Variants in PDE8B observed in about 807,000 individuals in gnomAD.
PDE8B encodes the protein phosphodiesterase 8B.
PDE8B carries 26 observed loss-of-function variants against 101.3 expected under a neutral mutation model. The ratio of observed to expected loss-of-function variants is 0.26; its 90% CI spans 0.19 to 0.36. PDE8B has a LOEUF of 0.36. Among genes scored for constraint, PDE8B ranks in the 10% least tolerant of loss-of-function variants. The pLI, the probability that PDE8B is intolerant of heterozygous loss-of-function variation, is 1.00. For missense variants in PDE8B, 810 were observed against 1,163.1 expected, an observed-to-expected ratio of 0.70 and a Z score of 4.42; for synonymous variants, 424 against 429.3, an observed-to-expected ratio of 0.99 and a Z score of 0.15.
At chr5:77,364,953 A>G (rs1035467227) in intron 10 of PDE8B, among the ~76,000 whole-genome samples, 3 of 152,206 alleles carry the variant, frequency 2.0e-5, no homozygotes, top group South Asian at 2.1e-4. Context: ...CTATTCGCAG[A>G]GCTTTGGCCC....
the PDE8B span, among the ~76,000 whole-genome samples, chr5:77,127,987 C>A: frequency 6.6e-6 from 1 of 152,150 alleles, no homozygotes; most frequent in Non-Finnish European, 1.5e-5. Context: ...TGCAGGAGAT[C>A]AAATTCTTTT....
Position 77,211,341 on chromosome 5 carries a change from G to A in PDE8B, c.339+77G>A. On this transcript the variant is annotated intron_variant, in intron 1 of 21. Coordinates refer to ENST00000264917, the MANE Select transcript of PDE8B (RefSeq NM_003719.5). The surrounding 1 kb of genome is among the most constrained non-coding windows in gnomAD (Gnocchi z 4.1). ...GGGCTCGCACGGGTAGGGGGCTCCG[G>A]CGGAGTTGGGTGACCGTGAGGCGGT... 1.5e-6 allele frequency: 2 copies of A among 1,372,672 alleles called. No individual in the cohort carries two copies. The highest frequency in any genetic ancestry group is 9.8e-7 in the Non-Finnish European group (1 of 1,021,834). 85.0% of individuals were successfully genotyped at this position (1,372,672 alleles called of 1,614,324 possible). A position where few individuals can be genotyped will look rare whatever the true frequency, so the allele number is the denominator to read the frequency against.
intron 10 of PDE8B, among the ~76,000 whole-genome samples, chr5:77,392,532 C>A (rs994921337): frequency 6.6e-6 from 1 of 152,152 alleles, no homozygotes; most frequent in South Asian, 2.1e-4. Context: ...GACCTAATGG[C>A]AGTATTTACA....
At chr5:77,292,973 AT>A (rs536252832) in intron 1 of PDE8B, among the ~76,000 whole-genome samples, 66 of 151,588 alleles carry the variant, frequency 4.4e-4, no homozygotes, top group African/African-American at 1.5e-3. Context: ...TTCTCATGGG[AT>A]TTTTTTTCTC....
At chr5:77,145,090 A>ATATATT in the PDE8B span, 1 of 151,962 alleles carries the variant, frequency 6.6e-6, no homozygotes, top group Non-Finnish European at 1.5e-5. Context: ...TATGTAATAT[A>ATATATT]TAGTGTATAA....
At chr5:77,281,098 G>A (rs1248468840) in intron 1 of PDE8B, among the ~76,000 whole-genome samples, 6 of 152,190 alleles carry the variant, frequency 3.9e-5, no homozygotes, top group Non-Finnish European at 2.9e-5. Context: ...CACAGTGCCC[G>A]TGGAAGCGCC....
chr5:77,294,527 G>C (rs1285006447), intron 1 of PDE8B, among the ~76,000 whole-genome samples: 2 of 151,622 alleles, frequency 1.3e-5, no homozygotes, highest in Non-Finnish European at 2.9e-5. Flanking sequence ...TGAGCTAAAA[G>C]AAATTAAGAA....
Position 77,267,122 on chromosome 5 carries a change from C to G in PDE8B, c.340-44872C>G, listed in dbSNP as rs144373250. The stretch of plus-strand genomic sequence containing the variant: ...GTGACTCATTCACCACTTCTTACTT[C>G]CTGGAGGTTTAGTACCACTCTTAAA... On this transcript the variant is annotated intron_variant, in intron 1 of 21. Coordinates refer to ENST00000264917, the MANE Select transcript of PDE8B (RefSeq NM_003719.5). 2.6e-4 allele frequency among the ~76,000 whole-genome samples: 40 copies of G among 152,130 alleles called. No homozygotes were observed. The East Asian group carries it at 7.4e-3, about 28-fold the overall frequency.
At chr5:77,335,535 GT>G (rs1471766488) in intron 5 of PDE8B, among the ~76,000 whole-genome samples, 16 of 64,370 alleles carry the variant, frequency 2.5e-4, no homozygotes, top group African/African-American at 1.3e-3. Context: ...TATGTGGGGT[GT>G]GTGTGTGTGT....
At chr5:77,208,473 T>C (rs1412967789), upstream of PDE8B, among the ~76,000 whole-genome samples, 3 of 152,248 alleles carry the variant, frequency 2.0e-5, no homozygotes, top group Non-Finnish European at 2.9e-5. Flanking sequence ...CTAGTGTTTT[T>C]GCAATTTAAC....
chr5:77,375,852 G>A (rs958324869), intron 10 of PDE8B, among the ~76,000 whole-genome samples: 1 of 150,434 alleles, frequency 6.6e-6, no homozygotes, highest in South Asian at 2.1e-4. Context: ...CCTTTTTAGG[G>A]TACAGGAGTG....
At chr5:77,362,705 C>T (rs1783342413) in intron 10 of PDE8B, among the ~76,000 whole-genome samples, 1 of 152,182 alleles carries the variant, frequency 6.6e-6, no homozygotes, top group South Asian at 2.1e-4. Context: ...GCTTTCCCTG[C>T]CACCTTCCCA....
Position 77,386,865 on chromosome 5 carries a change from C to CTTTTTT in PDE8B, c.1168-13359_1168-13354dup, listed in dbSNP as rs59393259. Among the ~76,000 whole-genome samples, 61 of 51,084 alleles carry CTTTTTT rather than the reference C, an allele frequency of 1.2e-3. 6 individuals are homozygous for CTTTTTT. The highest frequency in any genetic ancestry group is 3.2e-3 in the African/African-American group (34 of 10,756). The allele number at this position is 51,084 out of a possible 152,430, so 33.5% of individuals were successfully genotyped here. On this transcript the variant is annotated intron_variant, in intron 10 of 21. Transcript: ENST00000264917. ...TTTTGCCTGTTAGTTGATGTAGTTT[C>CTTTTTT]TTTTTTTTTTTTTTTTTTTTTTTTT...
At chr5:77,309,661 C>G (rs577646278) in intron 1 of PDE8B, among the ~76,000 whole-genome samples, 4 of 152,086 alleles carry the variant, frequency 2.6e-5, no homozygotes, top group Admixed American at 2.6e-4. Flanking sequence ...ACTCTGCTGC[C>G]CAGGCTGAAG....
chr5:77,387,754 C>G (rs1389577599), intron 10 of PDE8B, among the ~76,000 whole-genome samples: 4 of 152,148 alleles, frequency 2.6e-5, no homozygotes, highest in Non-Finnish European at 5.9e-5. Flanking sequence ...TCCCATATTT[C>G]TTGGAGGCCT....
rs149620904 is a variant in PDE8B at position 77,267,101 on chromosome 5, C to T, written c.340-44893C>T. ...GCTTATTTGTTGCTCAGTTGAGTGA[C>T]TCATTCACCACTTCTTACTTCCTGG... On this transcript the variant is annotated intron_variant, in intron 1 of 21. Coordinates refer to ENST00000264917, the MANE Select transcript of PDE8B (RefSeq NM_003719.5). Among the ~76,000 whole-genome samples, 345 of 152,194 alleles carry T rather than the reference C, an allele frequency of 2.3e-3. 2 individuals are homozygous for T. The highest frequency in any genetic ancestry group is 8.0e-3 in the African/African-American group (331 of 41,534).
At chr5:77,398,489 ATAT>A (rs922431926) in intron 10 of PDE8B, among the ~76,000 whole-genome samples, 2 of 151,866 alleles carry the variant, frequency 1.3e-5, no homozygotes, top group African/African-American at 2.4e-5. Context: ...CACCCAGCTA[ATAT>A]TATATTTTTA....
chr5:77,118,469 A>G, the PDE8B span: 310 of 398,388 alleles, frequency 7.8e-4, 1 homozygote, highest in East Asian at 0.011. Flanking sequence ...GAGGAGGGAA[A>G]GATGGTGCCC....
chr5:77,123,650 T>G, the PDE8B span, among the ~76,000 whole-genome samples: 1 of 151,792 alleles, frequency 6.6e-6, no homozygotes, highest in Admixed American at 6.6e-5. Context: ...TCCCAGCTAC[T>G]TGGGAGGTTG....
Sources: gnomAD v4.1 joint callset for allele counts (sites outside exome capture counted in the v4.1 genomes callset) on GRCh38, gnomAD v4.1.1 for gene constraint, Gnocchi (gnomAD v3.1) non-coding constraint, MANE v1.5 for transcripts, NCBI Gene and HGNC (gene_info 2026-07-23, HGNC 2026-07-21) for gene names.